STXBP5L: variants seen among roughly 807,000 people sequenced by gnomAD.
STXBP5L encodes syntaxin binding protein 5L.
STXBP5L carries 65 observed loss-of-function variants against 144.5 expected under a neutral mutation model. That is an observed-to-expected ratio of 0.45 (90% CI 0.37 to 0.55). The LOEUF (loss-of-function observed/expected upper bound fraction) is 0.55. Ranked by LOEUF, STXBP5L falls within the 20% of genes least tolerant of loss-of-function variation. The probability of loss-of-function intolerance (pLI) is 0.00; values close to 1 mark genes in which losing one functional copy is unlikely to be tolerated. For missense variants in STXBP5L, 1,298 were observed against 1,405.5 expected (o/e 0.92, Z 1.22); for synonymous variants, 505 against 469.6 (o/e 1.08, Z -0.97).
chr3:120,999,626 G>A (rs372150137), intron 3 of STXBP5L, among the ~76,000 whole-genome samples: 38 of 151,972 alleles, frequency 2.5e-4, no homozygotes, highest in African/African-American at 8.9e-4. Flanking sequence ...TTGTTAGCTG[G>A]GGTTTTTTTT....
intron 3 of STXBP5L, among the ~76,000 whole-genome samples, chr3:120,996,619 C>T (rs1170296731): frequency 6.6e-6 from 1 of 152,126 alleles, no homozygotes; most frequent in Non-Finnish European, 1.5e-5. Flanking sequence ...CCCATTTTCC[C>T]AGCCTCCTTG....
At chr3:121,331,727 T>C (rs1252661517) in intron 20 of STXBP5L, among the ~76,000 whole-genome samples, 1 of 152,274 alleles carries the variant, frequency 6.6e-6, no homozygotes, top group East Asian at 1.9e-4. Flanking sequence ...ATACTTTAGC[T>C]ACATCTGGTT....
At chr3:121,049,290 C>G (rs1007103220) in intron 5 of STXBP5L, among the ~76,000 whole-genome samples, 4 of 151,916 alleles carry the variant, frequency 2.6e-5, no homozygotes, top group Non-Finnish European at 5.9e-5. Context: ...GGTGGCCTGC[C>G]TTTCCCACTG....
intron 3 of STXBP5L, among the ~76,000 whole-genome samples, chr3:120,982,667 A>G (rs1941899086): frequency 6.6e-6 from 1 of 152,162 alleles, no homozygotes; most frequent in Admixed American, 6.5e-5. Context: ...CCAATGCAGG[A>G]ACACTGCTGC....
chr3:120,975,501 TG>T (rs1453992912), intron 3 of STXBP5L, among the ~76,000 whole-genome samples: 1 of 152,246 alleles, frequency 6.6e-6, no homozygotes, highest in Admixed American at 6.5e-5. Flanking sequence ...AGAGACAATT[TG>T]ACTTCCTCTT....
At chr3:120,983,190 A>T (rs1941963015) in intron 3 of STXBP5L, among the ~76,000 whole-genome samples, 1 of 152,064 alleles carries the variant, frequency 6.6e-6, no homozygotes, top group South Asian at 2.1e-4. Context: ...GCAGGAGTCT[A>T]AGGGCAGAAC....
chr3:121,258,971 T>G, intron 17 of STXBP5L, 72 bp from the exon 18 acceptor site: 1 of 1,402,246 alleles, frequency 7.1e-7, no homozygotes, highest in Non-Finnish European at 9.5e-7. Context: ...CATGATTCTA[T>G]GTAAATTCTC....
chr3:121,400,164 A>G (rs1240152449), intron 22 of STXBP5L, among the ~76,000 whole-genome samples: 1 of 152,198 alleles, frequency 6.6e-6, no homozygotes, highest in Non-Finnish European at 1.5e-5. Context: ...GACCAATGAG[A>G]CAATGGAGCA....
chr3:121,221,370 T>C (rs1417748352), intron 10 of STXBP5L, among the ~76,000 whole-genome samples: 1 of 151,802 alleles, frequency 6.6e-6, no homozygotes, highest in Non-Finnish European at 1.5e-5. Context: ...CCTTATCCTA[T>C]GCTTGGATTA....
intron 23 of STXBP5L, among the ~76,000 whole-genome samples, chr3:121,411,232 C>T (rs902970341): frequency 5.3e-5 from 8 of 152,054 alleles, no homozygotes; most frequent in Non-Finnish European, 1.0e-4. Context: ...TTACTGGCTA[C>T]CATATTGGAC....
chr3:121,187,590 C>A (rs1449249421), intron 9 of STXBP5L, among the ~76,000 whole-genome samples: 2 of 122,142 alleles, frequency 1.6e-5, no homozygotes, highest in African/African-American at 3.1e-5. Context: ...GAAAAAAGAA[C>A]CATGAATGAT....
chr3:121,170,664 G>T (rs2046675270), intron 9 of STXBP5L, among the ~76,000 whole-genome samples: 1 of 152,072 alleles, frequency 6.6e-6, no homozygotes, highest in Non-Finnish European at 1.5e-5. Flanking sequence ...TCCCTGAACA[G>T]ACCAATTACA....
intron 19 of STXBP5L, among the ~76,000 whole-genome samples, chr3:121,282,535 C>T (rs1414559339): frequency 1.3e-5 from 2 of 151,894 alleles, no homozygotes; most frequent in Non-Finnish European, 2.9e-5. Flanking sequence ...GTCCTGTACC[C>T]ATTCAATCAT....
intron 20 of STXBP5L, among the ~76,000 whole-genome samples, chr3:121,329,768 G>A (rs2044263321): frequency 6.6e-6 from 1 of 152,114 alleles, no homozygotes; most frequent in South Asian, 2.1e-4. Context: ...GCTGAGGCAG[G>A]AGAATTGCTT....
At chr3:121,335,464 G>A (rs553305497) in intron 20 of STXBP5L, among the ~76,000 whole-genome samples, 2 of 152,088 alleles carry the variant, frequency 1.3e-5, no homozygotes, top group South Asian at 4.1e-4. Flanking sequence ...AAATTGATAT[G>A]GAACCAAAAA....
intron 5 of STXBP5L, among the ~76,000 whole-genome samples, chr3:121,055,638 G>A (rs1239357924): frequency 1.3e-5 from 2 of 149,688 alleles, no homozygotes; most frequent in Admixed American, 6.7e-5. Context: ...AGCCTCCTTA[G>A]TGCTGGGACT....
chr3:121,122,987 A>T (rs1177028350), intron 7 of STXBP5L, among the ~76,000 whole-genome samples: 1 of 151,610 alleles, frequency 6.6e-6, no homozygotes, highest in African/African-American at 2.4e-5. Context: ...TGACTAAATC[A>T]GAAAATAGCA....
chr3:121,346,752 T>A (rs1411751783), intron 20 of STXBP5L, among the ~76,000 whole-genome samples: 1 of 152,200 alleles, frequency 6.6e-6, no homozygotes, highest in Non-Finnish European at 1.5e-5. Context: ...AATGTCTTCT[T>A]TTGAGAAGTG....
intron 11 of STXBP5L, among the ~76,000 whole-genome samples, chr3:121,230,018 A>T (rs2049253160): frequency 6.6e-6 from 1 of 152,188 alleles, no homozygotes; most frequent in Non-Finnish European, 1.5e-5. Flanking sequence ...GTATTTGAAA[A>T]TGACTTGTAC....
Sources: gnomAD v4.1 joint callset for allele counts (sites outside exome capture counted in the v4.1 genomes callset) on GRCh38, gnomAD v4.1.1 for gene constraint, MANE v1.5 for transcripts, NCBI Gene and HGNC (gene_info 2026-07-23, HGNC 2026-07-21) for gene names.